SPATA2L: variants seen among roughly 807,000 people sequenced by gnomAD.
SPATA2L encodes spermatogenesis associated 2 like.
In SPATA2L, 5 loss-of-function variants were observed where a neutral mutation model predicts 8.7. The ratio of observed to expected loss-of-function variants is 0.57; its 90% CI spans 0.30 to 1.21. The LOEUF (loss-of-function observed/expected upper bound fraction) is 1.21. Ranked by LOEUF, SPATA2L falls within the 50% of genes most tolerant of loss-of-function variation. SPATA2L has a pLI of 0.07. For missense variants in SPATA2L, 671 were observed against 591.0 expected, an observed-to-expected ratio of 1.14 and a Z score of -1.40; for synonymous variants, 358 against 275.8, an observed-to-expected ratio of 1.30 and a Z score of -2.95.
rs962137838 is a variant in SPATA2L at position 89,696,567 on chromosome 16, G to A, written c.*767C>T. 1.4e-5 allele frequency: 7 copies of A among 495,216 alleles called. No individual in the cohort carries two copies. The highest frequency in any genetic ancestry group is 3.3e-5 in the South Asian group (1 of 30,650). 30.7% of individuals were successfully genotyped at this position (495,216 alleles called of 1,614,324 possible). A position where few individuals can be genotyped will look rare whatever the true frequency, so the allele number is the denominator to read the frequency against. Reference sequence around the variant, plus strand: ...GAGGCACCTCCTCGCCAGCCTGTGGGCTGCACCCACAGGGAATGGAGGGGA... The same window carrying A: ...GAGGCACCTCCTCGCCAGCCTGTGGACTGCACCCACAGGGAATGGAGGGGA... On this transcript the variant is annotated 3_prime_UTR_variant, in exon 3 of 3. Coordinates refer to ENST00000289805, the MANE Select transcript of SPATA2L (RefSeq NM_152339.4).
In SPATA2L at chr16:89,696,972, A is replaced by G; in HGVS notation, c.*362T>C. The G allele has an allele frequency of 6.8e-7, 1 of 1,473,464 alleles. No homozygotes were observed. The highest frequency in any genetic ancestry group is 9.0e-7 in the Non-Finnish European group (1 of 1,109,992). The allele number at this position is 1,473,464 out of a possible 1,614,324, so 91.3% of individuals were successfully genotyped here. The stretch of plus-strand genomic sequence containing the variant: ...CCAAGTCCTGAGCCCCGTACTCCGT[A>G]CTGCAGGGAGCAGGCCAGGAGCCAC... On this transcript the variant is annotated 3_prime_UTR_variant, in exon 3 of 3. Transcript: ENST00000289805.
chr16:89,700,693 G>A (rs938800254), intron 2 of SPATA2L, among the ~76,000 whole-genome samples: 13 of 152,216 alleles, frequency 8.5e-5, no homozygotes, highest in Non-Finnish European at 1.5e-5. Flanking sequence ...CAAGCTCTCA[G>A]GGCAGGACCC....
At chr16:89,701,257 G>T (rs1229315225) in intron 1 of SPATA2L, 24 bp from the exon 2 acceptor site, 36 of 1,389,856 alleles carry the variant, frequency 2.6e-5, no homozygotes, top group African/African-American at 4.5e-5. Flanking sequence ...GGGTCGGGGG[G>T]GTCAGGGACC....
chr16:89,701,348 C>T, intron 1 of SPATA2L, 115 bp from the exon 2 acceptor site: 9 of 1,133,474 alleles, frequency 7.9e-6, no homozygotes, highest in Non-Finnish European at 1.0e-5. Flanking sequence ...GAGACCCCGC[C>T]CCCAGCGGCT....
rs547041944 is a variant in SPATA2L at position 89,696,628 on chromosome 16, C to A, written c.*706G>T. ...TACCACTGGACCCACCAAGACCCCG[C>A]CGCCTGGGCGGGCTGTCCACAGGCC... On this transcript the variant is annotated 3_prime_UTR_variant, in exon 3 of 3. Transcript: ENST00000289805. The A allele has an allele frequency of 7.1e-5, 49 of 694,698 alleles. No homozygotes were observed. In the African/African-American group the frequency reaches 8.0e-4, roughly 11 times the overall value. 43.0% of individuals were successfully genotyped at this position (694,698 alleles called of 1,614,324 possible).
At position 89,696,709 on chromosome 16, in the gene SPATA2L, T is replaced by G; in HGVS notation, c.*625A>C. On this transcript the variant is annotated 3_prime_UTR_variant, in exon 3 of 3. Coordinates refer to ENST00000289805, the MANE Select transcript of SPATA2L (RefSeq NM_152339.4). ...CTTCCCAGCTGTCAGCCACTGCCCG[T>G]TCCTGCGCCTCTCGTGCACCTCCAC... The G allele has an allele frequency of 7.2e-7, 1 of 1,383,472 alleles. No individual in the cohort carries two copies. The highest frequency in any genetic ancestry group is 1.4e-5 in the African/African-American group (1 of 70,220). 85.7% of individuals were successfully genotyped at this position (1,383,472 alleles called of 1,614,324 possible).
chr16:89,701,072 A>T lies in SPATA2L; in HGVS notation c.161T>A (p.Leu54Gln). ...CCACAGCCCGTCGGTGAGCAGAGCC[A>T]GCGCGTCGTCCTGCAGCGCCCCGTG... is the stretch of plus-strand genomic sequence containing the variant. ...DLHGALQDDA[L>Q]ALLTDGLWGR... The change falls in exon 2 of 3, where the codon CTG (leucine) becomes CAG (glutamine). Residue 54 changes from leucine (L) to glutamine (Q), a missense_variant. Transcript: ENST00000289805. 6.4e-7 allele frequency: 1 copy of T among 1,573,494 alleles called. No homozygotes were observed. Among genetic ancestry groups the T allele is most frequent in the Non-Finnish European group, 8.6e-7 (1 of 1,164,276 alleles).
chr16:89,696,853 G>C lies in SPATA2L; in HGVS notation c.*481C>G, dbSNP rs1368011961. 1 of 1,535,408 alleles carries C rather than the reference G, an allele frequency of 6.5e-7. No individual in the cohort carries two copies. The highest frequency in any genetic ancestry group is 2.0e-5 in the Admixed American group (1 of 50,956). On this transcript the variant is annotated 3_prime_UTR_variant, in exon 3 of 3. Transcript: ENST00000289805. ...GCACCCGGCAGAGCCCCGCAGATTG[G>C]CTCCAGCAGAGCTTGGGGTGGGGGG...
intron 2 of SPATA2L, among the ~76,000 whole-genome samples, chr16:89,700,148 A>G (rs971864071): frequency 1.3e-5 from 2 of 152,256 alleles, no homozygotes; most frequent in Admixed American, 6.5e-5. Flanking sequence ...AACTAAGTCC[A>G]AACCAGGGCT....
At position 89,697,332 on chromosome 16, in the gene SPATA2L, G is replaced by C; in HGVS notation, c.*2C>G. On this transcript the variant is annotated 3_prime_UTR_variant, in exon 3 of 3. Coordinates refer to ENST00000289805, the MANE Select transcript of SPATA2L (RefSeq NM_152339.4). ...GAGCCCTTGACCTGGGGCCCAGCTG[G>C]CCTAGGGCCGGGCCCCGGGGCTGTT... 1 of 1,506,990 alleles carries C rather than the reference G, an allele frequency of 6.6e-7. No homozygotes were observed. The highest frequency in any genetic ancestry group is 8.9e-7 in the Non-Finnish European group (1 of 1,128,694). 93.4% of individuals were successfully genotyped at this position (1,506,990 alleles called of 1,614,324 possible). A position where few individuals can be genotyped will look rare whatever the true frequency, so the allele number is the denominator to read the frequency against.
Position 89,697,288 on chromosome 16 carries a change from C to T in SPATA2L, c.*46G>A. The T allele has an allele frequency of 1.4e-6, 2 of 1,472,514 alleles. No individual in the cohort carries two copies. Among genetic ancestry groups the T allele is most frequent in the Non-Finnish European group, 1.8e-6 (2 of 1,117,094 alleles). The allele number at this position is 1,472,514 out of a possible 1,614,324, so 91.2% of individuals were successfully genotyped here. The stretch of plus-strand genomic sequence containing the variant: ...ACCCCTCCCCAGCAAAGAGAAGCAC[C>T]ACGGGAGCTGTCTCCCAAGAGCCCT... On this transcript the variant is annotated 3_prime_UTR_variant, in exon 3 of 3. Transcript: ENST00000289805.
chr16:89,701,440 C>T (rs2060775255), intron 1 of SPATA2L, 188 bp downstream of exon 1: 1 of 462,080 alleles, frequency 2.2e-6, no homozygotes. Flanking sequence ...GATCCAGGCC[C>T]CTCCAGTTGA....
chr16:89,701,308 A>C (rs1597892418), intron 1 of SPATA2L, 75 bp from the exon 2 acceptor site: 1 of 1,329,134 alleles, frequency 7.5e-7, no homozygotes, highest in Non-Finnish European at 9.6e-7. Context: ...CCGAACCCTC[A>C]CCCAGCGTCC....
rs141508959 is a variant in SPATA2L, at chr16:89,699,725, A to G, written c.303+1205T>C. Among the ~76,000 whole-genome samples the G allele has an allele frequency of 3.9e-3, 592 of 151,704 alleles. 6 individuals are homozygous for G. The highest frequency in any genetic ancestry group is 0.014 in the African/African-American group (578 of 41,360). On this transcript the variant is annotated intron_variant, in intron 2 of 2. Coordinates refer to ENST00000289805, the MANE Select transcript of SPATA2L (RefSeq NM_152339.4). ...GCCACCACACCCAGCTCATTTTTGT[A>G]TTTTTTAATAGAGACGGGGTTTCAC...
intron 2 of SPATA2L, 127 bp from the exon 3 acceptor site, chr16:89,698,432 C>T: frequency 1.9e-5 from 16 of 833,958 alleles, no homozygotes; most frequent in Non-Finnish European, 2.8e-5. Flanking sequence ...ACCCCAGAGA[C>T]TAGGCTTAGC....
intron 2 of SPATA2L, 137 bp from the exon 3 acceptor site, chr16:89,698,442 C>G (rs925074257): frequency 9.1e-6 from 6 of 656,558 alleles, no homozygotes; most frequent in Admixed American, 3.0e-5. Flanking sequence ...CTAGGCTTAG[C>G]CAGCTTGGGC....
chr16:89,696,743 T>C lies in SPATA2L; in HGVS notation c.*591A>G, dbSNP rs979039878. 20 of 1,502,362 alleles carry C rather than the reference T, an allele frequency of 1.3e-5. No homozygotes were observed. Among genetic ancestry groups the C allele is most frequent in the Non-Finnish European group, 1.8e-5 (20 of 1,119,510 alleles). 93.1% of individuals were successfully genotyped at this position (1,502,362 alleles called of 1,614,324 possible). A position where few individuals can be genotyped will look rare whatever the true frequency, so the allele number is the denominator to read the frequency against. On this transcript the variant is annotated 3_prime_UTR_variant, in exon 3 of 3. Coordinates refer to ENST00000289805, the MANE Select transcript of SPATA2L (RefSeq NM_152339.4). Reference sequence around the variant, plus strand: ...CTCTCGTGCACCTCCACATCTGGTTTGAGGTCAGGTCATTTCCTGTCTGTG... The same window carrying C: ...CTCTCGTGCACCTCCACATCTGGTTCGAGGTCAGGTCATTTCCTGTCTGTG...
rs1446002516 is a variant in SPATA2L at position 89,697,640 on chromosome 16, G to A, written c.969C>T (p.Ala323=). The stretch of plus-strand genomic sequence containing the variant: ...TGGCCGCTGCAGAGCTTTCAGGGGT[G>A]GCCAGGTCCCCAGGCCTACTCAGCT... The part of the protein sequence containing the change: ...RRELSRPGDL[A]TPESSAAASP... Residue 323 remains alanine (A), a synonymous_variant, in exon 3 of 3, where the codon GCC becomes GCT. Transcript: ENST00000289805. The A allele has an allele frequency of 1.9e-6, 3 of 1,607,864 alleles. No individual in the cohort carries two copies. The highest frequency in any genetic ancestry group is 1.7e-6 in the Non-Finnish European group (2 of 1,179,866).
intron 1 of SPATA2L, 156 bp from the exon 2 acceptor site, chr16:89,701,389 C>A (rs1025865766): frequency 1.4e-5 from 9 of 659,246 alleles, no homozygotes; most frequent in African/African-American, 1.1e-4. Flanking sequence ...GCACCCCCTA[C>A]GCTGGAGACC....
Sources: allele counts gnomAD v4.1 joint callset (sites outside exome capture counted in the v4.1 genomes callset), GRCh38; gene constraint gnomAD v4.1.1; transcripts MANE v1.5; gene names NCBI Gene and HGNC (gene_info 2026-07-23, HGNC 2026-07-21).